Variants in BMP7 observed in about 807,000 individuals in gnomAD.
The protein encoded by BMP7 is osteogenic protein 1.
Under a neutral mutation model 41.2 loss-of-function variants are expected in BMP7, and 12 were observed. The observed-to-expected ratio is 0.29, with a 90% CI of 0.19 to 0.47. BMP7 has a LOEUF of 0.47. Among genes scored for constraint, BMP7 ranks in the 20% least tolerant of loss-of-function variants. BMP7 has a pLI of 0.99. For missense variants in BMP7, 467 were observed against 606.0 expected, an observed-to-expected ratio of 0.77 and a Z score of 2.41; for synonymous variants, 248 against 250.0, an observed-to-expected ratio of 0.99 and a Z score of 0.07.
intron 3 of BMP7, among the ~76,000 whole-genome samples, chr20:57,186,870 A>T (rs948541395): frequency 1.3e-5 from 2 of 152,104 alleles, no homozygotes; most frequent in Non-Finnish European, 2.9e-5. Flanking sequence ...ACTCCCTTTA[A>T]CGTTTGGCTT....
chr20:57,209,249 T>TATATATA lies in BMP7; in HGVS notation c.612-6627_612-6626insTATATAT, dbSNP rs1555814048. Among the ~76,000 whole-genome samples, 591 of 94,792 alleles carry TATATATA rather than the reference T, an allele frequency of 6.2e-3. 8 individuals are homozygous for TATATATA. The highest frequency in any genetic ancestry group is 0.012 in the South Asian group (29 of 2,500). 62.2% of individuals were successfully genotyped at this position (94,792 alleles called of 152,430 possible). Reference sequence around the variant, plus strand: ...AACAAATACCTAGATTTATATATTTTTATATATATATATATATATATATAT... The same window carrying TATATATA: ...AACAAATACCTAGATTTATATATTTTATATATATATATATATATATATATATATATAT... On this transcript the variant is annotated intron_variant, in intron 2 of 6. Transcript: ENST00000395863.
chr20:57,260,450 A>G (rs756102754), intron 1 of BMP7, among the ~76,000 whole-genome samples: 8 of 152,150 alleles, frequency 5.3e-5, no homozygotes, highest in Non-Finnish European at 1.0e-4. Context: ...TCTGGGATCC[A>G]TCAAGTTGGA....
At position 57,251,339 on chromosome 20, in the gene BMP7, C is replaced by T. The variant is rs182042073; in HGVS notation, c.418+14366G>A. Among the ~76,000 whole-genome samples, 11 of 152,292 alleles carry T rather than the reference C, an allele frequency of 7.2e-5. No individual in the cohort carries two copies. In the East Asian group the frequency reaches 1.7e-3, roughly 24 times the overall value. The stretch of plus-strand genomic sequence containing the variant: ...GAGCGGTGGGGGCTCTGCAGTCTGA[C>T]GGTCTGACTCAGACCCAAACTCTTA... On this transcript the variant is annotated intron_variant, in intron 1 of 6. Transcript: ENST00000395863.
intron 2 of BMP7, among the ~76,000 whole-genome samples, chr20:57,222,249 G>C (rs929481888): frequency 7.2e-5 from 11 of 152,170 alleles, no homozygotes; most frequent in African/African-American, 2.7e-4. Context: ...TCCCTGTGAA[G>C]CCAGGCTCGG....
At chr20:57,219,394 ATCCC>A (rs3067084) in intron 2 of BMP7, among the ~76,000 whole-genome samples, 94,648 of 148,604 alleles carry the variant, frequency 0.64, 31,118 homozygotes, top group African/African-American at 0.82. Context: ...GGTACTTGAC[ATCCC>A]TCCCTCCCTC....
At chr20:57,216,637 G>A (rs1271977896) in intron 2 of BMP7, among the ~76,000 whole-genome samples, 1 of 152,104 alleles carries the variant, frequency 6.6e-6, no homozygotes, top group Admixed American at 6.5e-5. Flanking sequence ...TGAGGGTGAG[G>A]GGGCTGGGGA....
intron 2 of BMP7, among the ~76,000 whole-genome samples, chr20:57,225,226 C>A (rs79185506): frequency 6.6e-6 from 1 of 152,070 alleles, no homozygotes; most frequent in South Asian, 2.1e-4. Flanking sequence ...TCTGAACAGG[C>A]GAGCTGGAGG....
At chr20:57,260,575 C>T (rs909094501) in intron 1 of BMP7, among the ~76,000 whole-genome samples, 5 of 152,156 alleles carry the variant, frequency 3.3e-5, no homozygotes, top group East Asian at 1.9e-4. Context: ...AAAATGGCAC[C>T]GGCGCATTTG....
intron 2 of BMP7, among the ~76,000 whole-genome samples, chr20:57,205,890 A>G (rs1272675125): frequency 2.6e-5 from 4 of 152,198 alleles, no homozygotes; most frequent in Non-Finnish European, 5.9e-5. Context: ...TCCCAGGCAC[A>G]CTTAGGAGAG....
At chr20:57,253,088 C>A (rs1008984725) in intron 1 of BMP7, among the ~76,000 whole-genome samples, 1 of 152,188 alleles carries the variant, frequency 6.6e-6, no homozygotes, top group Non-Finnish European at 1.5e-5. Flanking sequence ...GGGTCCCCCA[C>A]CCCCTTCCAT....
chr20:57,182,300 C>T (rs1406155720), intron 4 of BMP7, among the ~76,000 whole-genome samples: 2 of 152,182 alleles, frequency 1.3e-5, no homozygotes, highest in African/African-American at 2.4e-5. Flanking sequence ...TCCAGGCCAG[C>T]CCACCTCCAA....
At chr20:57,180,114 T>C (rs3787382) in intron 4 of BMP7, among the ~76,000 whole-genome samples, 108,567 of 152,014 alleles carry the variant, frequency 0.71, 40,292 homozygotes, top group East Asian at 0.86. Context: ...CTCCGGCCTC[T>C]GAGCACCCCC....
rs1041594500 is a variant in BMP7, at chr20:57,254,125, C to T, written c.418+11580G>A. 1.4e-4 allele frequency among the ~76,000 whole-genome samples: 20 copies of T among 140,712 alleles called. 1 individual carries two copies. In the East Asian group the frequency reaches 3.6e-3, roughly 25 times the overall value. The allele number at this position is 140,712 out of a possible 152,430, so 92.3% of individuals were successfully genotyped here. On this transcript the variant is annotated intron_variant, in intron 1 of 6. Transcript: ENST00000395863. ...GCAACCTCTGCCTCCCGGGTTCAAG[C>T]GATTCTCTTGCCTCAGCCTCCCAAG... is the stretch of plus-strand genomic sequence containing the variant.
chr20:57,195,908 G>C (rs1166818997), intron 3 of BMP7, among the ~76,000 whole-genome samples: 2 of 152,320 alleles, frequency 1.3e-5, no homozygotes, highest in East Asian at 3.9e-4. Flanking sequence ...TGGGGTGCAG[G>C]AGGGAGAGAG....
intron 2 of BMP7, among the ~76,000 whole-genome samples, chr20:57,222,072 G>A (rs1287404558): frequency 3.9e-5 from 6 of 152,132 alleles, no homozygotes; most frequent in African/African-American, 1.4e-4. Flanking sequence ...TCTACAAGAG[G>A]GGCAGGACTG....
Position 57,215,320 on chromosome 20 carries a change from G to A in BMP7, c.612-12697C>T, listed in dbSNP as rs146311147. 7.2e-5 allele frequency among the ~76,000 whole-genome samples: 11 copies of A among 152,338 alleles called. No homozygotes were observed. The highest frequency in any genetic ancestry group is 2.2e-4 in the African/African-American group (9 of 41,580). ...TTACTGTCCCCATCACCTCTTCGGA[G>A]CCACCTCCTTTCCCCACATCAGGCA... On this transcript the variant is annotated intron_variant, in intron 2 of 6. Coordinates refer to ENST00000395863, the MANE Select transcript of BMP7 (RefSeq NM_001719.3). The surrounding 1 kb of genome is among the most constrained non-coding windows in gnomAD (Gnocchi z 4.2).
In BMP7 at chr20:57,175,128, G is replaced by A. The variant is rs1335590812; in HGVS notation, c.959-121C>T. The A allele has an allele frequency of 6.4e-6, 7 of 1,089,360 alleles. No individual in the cohort carries two copies. The East Asian group carries it at 1.8e-4, about 28-fold the overall frequency. 67.5% of individuals were successfully genotyped at this position (1,089,360 alleles called of 1,614,324 possible). A position where few individuals can be genotyped will look rare whatever the true frequency, so the allele number is the denominator to read the frequency against. ...GCAATGAAGCACAGACGGCTGGGGG[G>A]TAAATTTCCCGATTCAAAAGCCAGT... On this transcript the variant is annotated intron_variant, in intron 4 of 6. Coordinates refer to ENST00000395863, the MANE Select transcript of BMP7 (RefSeq NM_001719.3).
intron 3 of BMP7, among the ~76,000 whole-genome samples, chr20:57,192,062 ATT>A: frequency 9.0e-6 from 1 of 111,384 alleles, no homozygotes; most frequent in Non-Finnish European, 1.7e-5. Context: ...TATAATATAT[ATT>A]TATATCTAAA....
intron 1 of BMP7, among the ~76,000 whole-genome samples, chr20:57,229,361 G>A (rs908144230): frequency 1.3e-5 from 2 of 152,220 alleles, no homozygotes; most frequent in Non-Finnish European, 2.9e-5. Context: ...GAGGTTGAAC[G>A]TGACTCAGGA....
Sources: allele counts gnomAD v4.1 joint callset (sites outside exome capture counted in the v4.1 genomes callset), GRCh38; gene constraint gnomAD v4.1.1; non-coding constraint Gnocchi (gnomAD v3.1); transcripts MANE v1.5; gene names NCBI Gene and HGNC (gene_info 2026-07-23, HGNC 2026-07-21).